The following CTNNA3 variants were observed in gnomAD, a reference collection of about 807,000 sequenced individuals.
CTNNA3 encodes catenin alpha-3.
A neutral mutation model predicts 95.7 loss-of-function variants in CTNNA3; 76 were observed. The ratio of observed to expected loss-of-function variants is 0.79; its 90% CI spans 0.66 to 0.96. The LOEUF (loss-of-function observed/expected upper bound fraction) is 0.96, where lower values mean the gene tolerates loss of function less well. CTNNA3 is among the 40% of genes least tolerant of loss of function. The pLI is 0.00. For missense variants in CTNNA3, 1,191 were observed against 1,089.8 expected, an observed-to-expected ratio of 1.09 and a Z score of -1.31; for synonymous variants, 431 against 374.4, an observed-to-expected ratio of 1.15 and a Z score of -1.74.
At chr10:66,118,861 G>A (rs946511157) in intron 13 of CTNNA3, among the ~76,000 whole-genome samples, 6 of 151,856 alleles carry the variant, frequency 4.0e-5, no homozygotes, top group East Asian at 1.9e-4. Context: ...TGAATTAACC[G>A]CAATGACTGT....
At chr10:67,027,403 A>G (rs1249829705) in intron 7 of CTNNA3, among the ~76,000 whole-genome samples, 2 of 151,610 alleles carry the variant, frequency 1.3e-5, no homozygotes, top group Admixed American at 6.6e-5. Flanking sequence ...ATTTCTGTCA[A>G]TGATAATGAC....
At chr10:65,959,950 A>G (rs2077808777) in intron 17 of CTNNA3, among the ~76,000 whole-genome samples, 1 of 152,160 alleles carries the variant, frequency 6.6e-6, no homozygotes, top group South Asian at 2.1e-4. Context: ...AATGTCTATC[A>G]TATGCTATCT....
chr10:66,617,704 T>C (rs1214454279), intron 10 of CTNNA3, among the ~76,000 whole-genome samples: 1 of 152,162 alleles, frequency 6.6e-6, no homozygotes, highest in Non-Finnish European at 1.5e-5. Flanking sequence ...TTGGAAGTTC[T>C]GGCCAAGGCA....
intron 13 of CTNNA3, among the ~76,000 whole-genome samples, chr10:66,148,872 G>A (rs2084037108): frequency 6.6e-6 from 1 of 151,970 alleles, no homozygotes; most frequent in African/African-American, 2.4e-5. Context: ...ATGTATATAT[G>A]TACACTGACA....
At chr10:67,183,721 A>C (rs143524371) in intron 6 of CTNNA3, among the ~76,000 whole-genome samples, 14 of 152,026 alleles carry the variant, frequency 9.2e-5, no homozygotes, top group Admixed American at 7.9e-4. Flanking sequence ...ATAAAATGTG[A>C]GGGTACTCCA....
intron 7 of CTNNA3, among the ~76,000 whole-genome samples, chr10:67,089,705 GTGTATATACATA>G (rs918520321): frequency 7.4e-6 from 1 of 135,206 alleles, no homozygotes; most frequent in Non-Finnish European, 1.6e-5. Context: ...GTATACATAT[GTGTATATACATA>G]TGTGTGTGTG....
At chr10:67,550,891 T>C (rs1370604467) in intron 3 of CTNNA3, among the ~76,000 whole-genome samples, 1 of 152,140 alleles carries the variant, frequency 6.6e-6, no homozygotes, top group Non-Finnish European at 1.5e-5. Context: ...TACAGAAGAA[T>C]TTCCCATGGA....
At chr10:67,543,908 G>T (rs1327413852) in intron 3 of CTNNA3, among the ~76,000 whole-genome samples, 2 of 152,034 alleles carry the variant, frequency 1.3e-5, no homozygotes. Context: ...AGAGGAGGAT[G>T]ACCTCAATTC....
At chr10:66,506,502 G>C (rs1564497783) in intron 11 of CTNNA3, among the ~76,000 whole-genome samples, 2 of 152,114 alleles carry the variant, frequency 1.3e-5, no homozygotes, top group South Asian at 4.1e-4. Context: ...CAATAATCCA[G>C]CTGAACAGCT....
intron 1 of CTNNA3, among the ~76,000 whole-genome samples, chr10:67,685,569 T>C (rs1002247406): frequency 2.6e-5 from 4 of 152,210 alleles, no homozygotes; most frequent in Admixed American, 1.3e-4. Flanking sequence ...TTAAGGATTT[T>C]AGATAGGAAG....
At chr10:66,759,817 T>A (rs777364026) in intron 9 of CTNNA3, among the ~76,000 whole-genome samples, 20 of 152,202 alleles carry the variant, frequency 1.3e-4, no homozygotes, top group Non-Finnish European at 2.4e-4. Context: ...AATATCTCAT[T>A]AATGGCTTTT....
intron 10 of CTNNA3, among the ~76,000 whole-genome samples, chr10:66,556,951 G>T (rs1842409890): frequency 6.6e-6 from 1 of 152,026 alleles, no homozygotes; most frequent in Non-Finnish European, 1.5e-5. Flanking sequence ...AATTCATTAT[G>T]TATATCAAAA....
At chr10:66,792,159 G>A (rs1285727582) in intron 7 of CTNNA3, among the ~76,000 whole-genome samples, 1 of 151,964 alleles carries the variant, frequency 6.6e-6, no homozygotes, top group Non-Finnish European at 1.5e-5. Flanking sequence ...CATTTACCTT[G>A]TAAAAGAATC....
chr10:66,782,474 C>G (rs1340495346), intron 7 of CTNNA3, among the ~76,000 whole-genome samples: 1 of 152,042 alleles, frequency 6.6e-6, no homozygotes, highest in Non-Finnish European at 1.5e-5. Context: ...ATCACCTTTT[C>G]TGACCCTCCT....
At chr10:66,888,517 T>C (rs887461482) in intron 7 of CTNNA3, among the ~76,000 whole-genome samples, 4 of 151,846 alleles carry the variant, frequency 2.6e-5, no homozygotes, top group Non-Finnish European at 5.9e-5. Flanking sequence ...TACCAGATCA[T>C]GCAGGCCTTT....
intron 7 of CTNNA3, among the ~76,000 whole-genome samples, chr10:66,954,812 G>A (rs1271642032): frequency 6.6e-6 from 1 of 152,056 alleles, no homozygotes; most frequent in Non-Finnish European, 1.5e-5. Flanking sequence ...CCCACAAAAG[G>A]CTGATTATTA....
chr10:67,206,061 G>A (rs1863885824), intron 6 of CTNNA3, among the ~76,000 whole-genome samples: 1 of 152,140 alleles, frequency 6.6e-6, no homozygotes, highest in South Asian at 2.1e-4. Flanking sequence ...ACTTTGGTGG[G>A]TGCCTGGCTC....
At chr10:67,512,055 C>G (rs1190880786) in intron 5 of CTNNA3, among the ~76,000 whole-genome samples, 1 of 152,016 alleles carries the variant, frequency 6.6e-6, no homozygotes, top group South Asian at 2.1e-4. Flanking sequence ...CCTTTATCAT[C>G]TTTTATTGCT....
intron 15 of CTNNA3, among the ~76,000 whole-genome samples, chr10:66,059,667 A>G (rs2080156344): frequency 6.6e-6 from 1 of 152,038 alleles, no homozygotes; most frequent in South Asian, 2.1e-4. Flanking sequence ...TGTTCACTGT[A>G]TGTCCTTAAT....
Sources: gnomAD v4.1 joint callset for allele counts (sites outside exome capture counted in the v4.1 genomes callset) on GRCh38, gnomAD v4.1.1 for gene constraint, MANE v1.5 for transcripts, NCBI Gene and HGNC (gene_info 2026-07-23, HGNC 2026-07-21) for gene names.